The following EBF2 variants were observed in gnomAD, a reference collection of about 807,000 sequenced individuals.
EBF2 encodes the protein transcription factor COE2.
In EBF2, 21 loss-of-function variants were observed where a neutral mutation model predicts 72.8. The ratio of observed to expected loss-of-function variants is 0.29; its 90% CI spans 0.20 to 0.42. EBF2 has a LOEUF of 0.42. Ranked by LOEUF, EBF2 falls within the 10% of genes least tolerant of loss-of-function variation. The pLI is 1.00. For synonymous variants in EBF2, 299 were observed against 274.2 expected (o/e 1.09, Z -0.89); for missense variants, 637 against 731.2 (o/e 0.87, Z 1.49).
chr8:25,917,199 GT>G (rs3034248), intron 6 of EBF2, among the ~76,000 whole-genome samples: 9,435 of 143,080 alleles, frequency 0.066, 928 homozygotes, highest in African/African-American at 0.21. Context: ...GTGGTTTGGG[GT>G]TTTTTTTTTT....
intron 6 of EBF2, among the ~76,000 whole-genome samples, chr8:26,016,857 A>T (rs1418774646): frequency 6.6e-6 from 1 of 152,240 alleles, no homozygotes; most frequent in East Asian, 1.9e-4. Flanking sequence ...TGAAGGTCAA[A>T]TGAGTTTTAG....
intron 14 of EBF2, among the ~76,000 whole-genome samples, chr8:25,857,618 C>T (rs112828979): frequency 3.3e-5 from 5 of 152,182 alleles, no homozygotes; most frequent in African/African-American, 4.8e-5. Flanking sequence ...TGTAACTTCC[C>T]GGCATACCTC....
At chr8:25,942,460 C>T (rs1335035452) in intron 6 of EBF2, among the ~76,000 whole-genome samples, 1 of 152,222 alleles carries the variant, frequency 6.6e-6, no homozygotes, top group African/African-American at 2.4e-5. Flanking sequence ...TTGGGATTTT[C>T]ACAGCCTTTT....
rs759194620 is a variant in EBF2, at chr8:26,044,683, C to T, written c.131+46G>A. ...GGGGGGTGCACACGGAGAGACAGAC[C>T]GTAAGAGCGAGAGACAGCATAATAA... is the stretch of plus-strand genomic sequence containing the variant. On this transcript the variant is annotated intron_variant, in intron 1 of 15. Transcript: ENST00000520164. The surrounding 1 kb of genome is among the most constrained non-coding windows in gnomAD (Gnocchi z 4.1). 22 of 1,600,684 alleles carry T rather than the reference C, an allele frequency of 1.4e-5. No homozygotes were observed. In the South Asian group the frequency reaches 2.4e-4, roughly 18 times the overall value.
chr8:25,899,144 G>T (rs919964948), intron 7 of EBF2, among the ~76,000 whole-genome samples: 3 of 151,914 alleles, frequency 2.0e-5, no homozygotes, highest in Non-Finnish European at 4.4e-5. Flanking sequence ...GCAGCAGAAG[G>T]TTCTAACAGC....
chr8:26,041,122 C>A, intron 2 of EBF2, 120 bp from the exon 3 acceptor site: 2 of 1,164,764 alleles, frequency 1.7e-6, no homozygotes, highest in Non-Finnish European at 1.2e-6. Context: ...CTTTGAGTAA[C>A]CCCCTGTTCA....
At chr8:25,988,987 G>C (rs1804503285) in intron 6 of EBF2, among the ~76,000 whole-genome samples, 1 of 152,178 alleles carries the variant, frequency 6.6e-6, no homozygotes, top group Non-Finnish European at 1.5e-5. Context: ...TTAATTATGT[G>C]ATATCCAAAC....
At chr8:25,947,293 T>A (rs917021903) in intron 6 of EBF2, among the ~76,000 whole-genome samples, 3 of 152,324 alleles carry the variant, frequency 2.0e-5, no homozygotes, top group Non-Finnish European at 4.4e-5. Flanking sequence ...GCACATGCTT[T>A]CTTCCCTGCT....
At chr8:25,912,896 C>T (rs934086489) in intron 6 of EBF2, among the ~76,000 whole-genome samples, 10 of 152,086 alleles carry the variant, frequency 6.6e-5, no homozygotes, top group Non-Finnish European at 1.3e-4. Context: ...TTCCACATGT[C>T]TTCCGCCATC....
chr8:25,949,137 C>T (rs1479737702), intron 6 of EBF2, among the ~76,000 whole-genome samples: 2 of 152,148 alleles, frequency 1.3e-5, no homozygotes, highest in Non-Finnish European at 2.9e-5. Flanking sequence ...CTTGTAACTA[C>T]CCCATGAGGT....
Position 25,876,027 on chromosome 8 carries a change from T to C in EBF2, c.1009+10728A>G, listed in dbSNP as rs138721360. ...AACCAACCCAAATACCCATCAATGA[T>C]AGACTGGATAATAAAAATGTGGTAT... On this transcript the variant is annotated intron_variant, in intron 10 of 15. Coordinates refer to ENST00000520164, the MANE Select transcript of EBF2 (RefSeq NM_022659.4). 2.4e-3 allele frequency among the ~76,000 whole-genome samples: 358 copies of C among 152,286 alleles called. 3 individuals carry two copies. Among genetic ancestry groups the C allele is most frequent in the African/African-American group, 8.1e-3 (338 of 41,560 alleles).
At chr8:25,986,961 C>A (rs1281157353) in intron 6 of EBF2, among the ~76,000 whole-genome samples, 1 of 152,220 alleles carries the variant, frequency 6.6e-6, no homozygotes, top group Non-Finnish European at 1.5e-5. Context: ...ACCCTCACCC[C>A]CATCAGCTCT....
chr8:25,948,400 C>T (rs570282406), intron 6 of EBF2, among the ~76,000 whole-genome samples: 3 of 152,274 alleles, frequency 2.0e-5, no homozygotes, highest in African/African-American at 7.2e-5. Flanking sequence ...CCCCTCAGAT[C>T]CAAAGGAAGC....
chr8:26,007,170 C>CGATCT (rs1289788495), intron 6 of EBF2, among the ~76,000 whole-genome samples: 1 of 152,148 alleles, frequency 6.6e-6, no homozygotes, highest in East Asian at 1.9e-4. Context: ...TTTTCTTCTG[C>CGATCT]GATCTGATCA....
chr8:25,885,059 C>G (rs1272097375), intron 10 of EBF2, among the ~76,000 whole-genome samples: 1 of 152,102 alleles, frequency 6.6e-6, no homozygotes, highest in Non-Finnish European at 1.5e-5. Context: ...GATCTTCCTG[C>G]TTCTGGTTGT....
chr8:25,974,685 C>T (rs577939163), intron 6 of EBF2, among the ~76,000 whole-genome samples: 1 of 152,292 alleles, frequency 6.6e-6, no homozygotes, highest in East Asian at 1.9e-4. Flanking sequence ...AATAAAGACA[C>T]TGGAACTTGG....
At chr8:25,867,260 GTTTTC>G (rs1802348288) in intron 10 of EBF2, among the ~76,000 whole-genome samples, 1 of 152,166 alleles carries the variant, frequency 6.6e-6, no homozygotes, top group Admixed American at 6.5e-5. Flanking sequence ...ATATTGAGAA[GTTTTC>G]TTTATTTTAT....
At position 25,842,911 on chromosome 8, in the gene EBF2, A is replaced by G. The variant is rs1801764292; in HGVS notation, c.*1698T>C. 1 of 152,324 alleles carries G rather than the reference A, an allele frequency of 6.6e-6. No individual in the cohort carries two copies. Among genetic ancestry groups the G allele is most frequent in the South Asian group, 2.1e-4 (1 of 4,820 alleles). The allele number at this position is 152,324 out of a possible 1,614,324, so 9.4% of individuals were successfully genotyped here. A position where few individuals can be genotyped will look rare whatever the true frequency, so the allele number is the denominator to read the frequency against. On this transcript the variant is annotated 3_prime_UTR_variant, in exon 16 of 16. Coordinates refer to ENST00000520164, the MANE Select transcript of EBF2 (RefSeq NM_022659.4). ...ATTTCTAATGCTGAAATCCCAACCAAGAACCCCAAACTAAGTCTGTGTATA... is the reference window on the plus strand; with the variant it reads ...ATTTCTAATGCTGAAATCCCAACCAGGAACCCCAAACTAAGTCTGTGTATA...
chr8:25,969,743 C>T (rs1804163396), intron 6 of EBF2, among the ~76,000 whole-genome samples: 1 of 152,190 alleles, frequency 6.6e-6, no homozygotes, highest in African/African-American at 2.4e-5. Flanking sequence ...GTTTCCTTAT[C>T]ACCCAGGCTG....
Sources: gnomAD v4.1 joint callset for allele counts (sites outside exome capture counted in the v4.1 genomes callset) on GRCh38, gnomAD v4.1.1 for gene constraint, Gnocchi (gnomAD v3.1) non-coding constraint, MANE v1.5 for transcripts, NCBI Gene and HGNC (gene_info 2026-07-23, HGNC 2026-07-21) for gene names.